Variants in MTR observed in about 807,000 individuals in gnomAD.
The protein encoded by MTR is 5-methyltetrahydrofolate-homocysteine methyltransferase.
MTR carries 84 observed loss-of-function variants against 154.8 expected under a neutral mutation model. That is an observed-to-expected ratio of 0.54 (90% CI 0.45 to 0.65). The LOEUF is 0.65. Ranked by LOEUF, MTR falls within the 30% of genes least tolerant of loss-of-function variation. MTR has a pLI of 0.00. For synonymous variants in MTR, 554 were observed against 553.9 expected (o/e 1.00, Z 0.00); for missense variants, 1,275 against 1,570.2 (o/e 0.81, Z 3.18).
chr1:236,864,552 C>T (rs556388827), intron 22 of MTR, among the ~76,000 whole-genome samples: 1 of 152,272 alleles, frequency 6.6e-6, no homozygotes, highest in South Asian at 2.1e-4. Flanking sequence ...TTAGCGTTCT[C>T]TCCTAGTCCT....
At chr1:236,840,050 AT>A (rs1663141520) in intron 15 of MTR, among the ~76,000 whole-genome samples, 1 of 152,238 alleles carries the variant, frequency 6.6e-6, no homozygotes, top group Non-Finnish European at 1.5e-5. Flanking sequence ...AAATGGGGAC[AT>A]ACTGACAATG....
intron 15 of MTR, 67 bp downstream of exon 15, chr1:236,838,666 A>G (rs1663048046): frequency 2.6e-6 from 4 of 1,538,780 alleles, no homozygotes; most frequent in Admixed American, 3.4e-5. Context: ...AGAAAATGCA[A>G]GTCTGAAACA....
At chr1:236,821,736 G>A (rs986832468) in intron 8 of MTR, among the ~76,000 whole-genome samples, 1 of 152,122 alleles carries the variant, frequency 6.6e-6, no homozygotes, top group African/African-American at 2.4e-5. Flanking sequence ...GTTAGTTTTT[G>A]TGAAAGATGT....
At chr1:236,854,274 CTG>C (rs1422960483) in intron 18 of MTR, among the ~76,000 whole-genome samples, 1 of 152,204 alleles carries the variant, frequency 6.6e-6, no homozygotes, top group Non-Finnish European at 1.5e-5. Context: ...AGTTCAGACA[CTG>C]TGCCAACGCT....
At chr1:236,824,277 A>G in intron 9 of MTR, 58 bp downstream of exon 9, 1 of 1,310,938 alleles carries the variant, frequency 7.6e-7, no homozygotes, top group Non-Finnish European at 1.1e-6. Flanking sequence ...GACATGGCAT[A>G]GATGAGGTAA....
chr1:236,874,698 C>CT (rs150727404), intron 23 of MTR, 28 bp from the exon 24 acceptor site: 821 of 1,356,710 alleles, frequency 6.1e-4, no homozygotes, highest in East Asian at 2.8e-3. Context: ...CCTTTTTGTC[C>CT]TTTTTTTTTT....
At chr1:236,863,629 A>G (rs888977412) in intron 22 of MTR, 75 bp downstream of exon 22, 45 of 1,281,184 alleles carry the variant, frequency 3.5e-5, no homozygotes, top group Admixed American at 5.5e-5. Flanking sequence ...TAATTCTTCA[A>G]TGGGTGGGAA....
intron 25 of MTR, among the ~76,000 whole-genome samples, chr1:236,881,368 T>C (rs141999875): frequency 8.5e-5 from 13 of 152,286 alleles, no homozygotes; most frequent in East Asian, 7.7e-4. Flanking sequence ...TATCTTGTTA[T>C]AGGTTTCATT....
At chr1:236,822,585 C>A (rs1008096629) in intron 8 of MTR, among the ~76,000 whole-genome samples, 1 of 152,174 alleles carries the variant, frequency 6.6e-6, no homozygotes, top group Non-Finnish European at 1.5e-5. Context: ...GCTGAGATTA[C>A]AGGCATGAGC....
chr1:236,822,898 G>A (rs1373435249), intron 8 of MTR, among the ~76,000 whole-genome samples: 1 of 152,092 alleles, frequency 6.6e-6, no homozygotes, highest in Non-Finnish European at 1.5e-5. Flanking sequence ...GGATATCCTT[G>A]CCTTGTTCCT....
At chr1:236,835,475 G>A (rs1662852529) in intron 13 of MTR, 72 bp from the exon 14 acceptor site, 1 of 1,579,750 alleles carries the variant, frequency 6.3e-7, no homozygotes, top group Non-Finnish European at 8.7e-7. Flanking sequence ...GGAAGGGTAA[G>A]GAATTACCTC....
intron 22 of MTR, among the ~76,000 whole-genome samples, chr1:236,868,948 A>G (rs1664968916): frequency 6.6e-6 from 1 of 152,090 alleles, no homozygotes; most frequent in Admixed American, 6.6e-5. Flanking sequence ...CAATTTGTTT[A>G]TTTTTTTTAA....
chr1:236,822,273 T>C lies in MTR; in HGVS notation c.765-1846T>C, dbSNP rs1006019092. 5.1e-4 allele frequency among the ~76,000 whole-genome samples: 78 copies of C among 152,008 alleles called. 1 individual carries two copies. Among genetic ancestry groups the C allele is most frequent in the African/African-American group, 1.9e-3 (78 of 41,522 alleles). The stretch of plus-strand genomic sequence containing the variant: ...CATATAGATCCAAATATTTCATTTG[T>C]TTTGGTGCTAGTGTAAATGGTTTTG... On this transcript the variant is annotated intron_variant, in intron 8 of 32. Coordinates refer to ENST00000366577, the MANE Select transcript of MTR (RefSeq NM_000254.3).
intron 6 of MTR, among the ~76,000 whole-genome samples, chr1:236,813,720 T>C (rs1471308083): frequency 6.6e-6 from 1 of 152,192 alleles, no homozygotes; most frequent in Non-Finnish European, 1.5e-5. Flanking sequence ...ACTTTGGCTT[T>C]TTAAAATTGA....
Position 236,810,483 on chromosome 1 carries a change from T to C in MTR, c.410-20T>C. 6.2e-7 allele frequency: 1 copy of C among 1,603,424 alleles called. No homozygotes were observed. The highest frequency in any genetic ancestry group is 8.5e-7 in the Non-Finnish European group (1 of 1,170,340). ...GTTCAGCCACTTAGAGATCTCACAC[T>C]TGTTTTTCTTTTCCCAAAGGAATTA... On this transcript the variant is annotated intron_variant, in intron 4 of 32. Transcript: ENST00000366577.
intron 7 of MTR, 120 bp from the exon 8 acceptor site, chr1:236,816,329 C>G: frequency 1.2e-6 from 1 of 862,816 alleles, no homozygotes; most frequent in Non-Finnish European, 2.0e-6. Flanking sequence ...AATTTGAGTT[C>G]CACATTTCTT....
intron 5 of MTR, chr1:236,811,777 CAAAT>C: frequency 9.2e-6 from 4 of 434,972 alleles, no homozygotes. Context: ...AGCAGGCCCT[CAAAT>C]AATGTCATTT....
intron 16 of MTR, among the ~76,000 whole-genome samples, chr1:236,852,092 T>A (rs891053364): frequency 2.0e-5 from 3 of 152,248 alleles, no homozygotes; most frequent in Non-Finnish European, 2.9e-5. Flanking sequence ...ACAAGCCTGA[T>A]GATGCTTGAT....
At chr1:236,807,781 C>G (rs949278466) in intron 3 of MTR, among the ~76,000 whole-genome samples, 1 of 152,112 alleles carries the variant, frequency 6.6e-6, no homozygotes, top group African/African-American at 2.4e-5. Context: ...AGTTGGCCAA[C>G]GTTTTTTAAT....
Sources: allele counts gnomAD v4.1 joint callset (sites outside exome capture counted in the v4.1 genomes callset), GRCh38; gene constraint gnomAD v4.1.1; transcripts MANE v1.5; gene names NCBI Gene and HGNC (gene_info 2026-07-23, HGNC 2026-07-21).